The following CHPF2 variants were observed in gnomAD, a reference collection of about 807,000 sequenced individuals.
CHPF2 encodes the protein chondroitin polymerizing factor 2, non-catalytic subunit.
CHPF2 carries 58 observed loss-of-function variants against 63.0 expected under a neutral mutation model. The ratio of observed to expected loss-of-function variants is 0.92; its 90% CI spans 0.75 to 1.15. The LOEUF is 1.15. Among genes scored for constraint, CHPF2 ranks in the 50% most tolerant of loss-of-function variants. The pLI, the probability that CHPF2 is intolerant of heterozygous loss-of-function variation, is 0.00. For synonymous variants in CHPF2, 442 were observed against 438.0 expected, an observed-to-expected ratio of 1.01 and a Z score of -0.11; for missense variants, 1,045 against 1,035.4, an observed-to-expected ratio of 1.01 and a Z score of -0.13.
chr7:151,232,742 C>T lies in CHPF2; in HGVS notation c.-1270C>T, dbSNP rs1802506298. 2.6e-6 allele frequency: 4 copies of T among 1,509,812 alleles called. No individual in the cohort carries two copies. The East Asian group carries it at 1.1e-4, about 42-fold the overall frequency. 93.5% of individuals were successfully genotyped at this position (1,509,812 alleles called of 1,614,324 possible). On this transcript the variant is annotated 5_prime_UTR_variant, in exon 1 of 4. Coordinates refer to ENST00000035307, the MANE Select transcript of CHPF2 (RefSeq NM_019015.3). Reference sequence around the variant, plus strand: ...TCCCCGAGGGCCTTGGGCGTCCCTCCTGGTCCTGCGCTCGCGGCCTCGATG... The same window carrying T: ...TCCCCGAGGGCCTTGGGCGTCCCTCTTGGTCCTGCGCTCGCGGCCTCGATG...
Position 151,238,732 on chromosome 7 carries a change from C to T in CHPF2, c.*51C>T, listed in dbSNP as rs1802790882. 3.7e-6 allele frequency: 6 copies of T among 1,601,764 alleles called. No individual in the cohort carries two copies. The highest frequency in any genetic ancestry group is 5.1e-6 in the Non-Finnish European group (6 of 1,175,564). Reference sequence around the variant, plus strand: ...ACCTTTCCTTTGTCTGCCTCAGCCCCAGGAAGGGCAAGGCAAGATGGTGGA... The same window carrying T: ...ACCTTTCCTTTGTCTGCCTCAGCCCTAGGAAGGGCAAGGCAAGATGGTGGA... On this transcript the variant is annotated 3_prime_UTR_variant, in exon 4 of 4. Coordinates refer to ENST00000035307, the MANE Select transcript of CHPF2 (RefSeq NM_019015.3).
In CHPF2 at chr7:151,232,507, T is replaced by C. The variant is rs993207258; in HGVS notation, c.-1505T>C. ...AAGAGGAAGCTGCGGACAGGGGCTG[T>C]GAGGTGGCAGCGGCTGCAGCGGCGG... On this transcript the variant is annotated 5_prime_UTR_variant, in exon 1 of 4. Transcript: ENST00000035307. 1.4e-5 allele frequency: 7 copies of C among 499,770 alleles called. No individual in the cohort carries two copies. The African/African-American group carries it at 1.4e-4, about 10-fold the overall frequency. The allele number at this position is 499,770 out of a possible 1,614,324, so 31.0% of individuals were successfully genotyped here. A position where few individuals can be genotyped will look rare whatever the true frequency, so the allele number is the denominator to read the frequency against.
At position 151,238,655 on chromosome 7, in the gene CHPF2, G is replaced by T. The variant is rs760750092; in HGVS notation, c.2293G>T (p.Glu765Ter). The stretch of plus-strand genomic sequence containing the variant: ...TGCCCAGCTGGCTATGGCTCTCTTT[G>T]AGCAGGAGCAGGCCAATAGCACTTA... Reference protein sequence around the residue: ...GRAQLAMALFEQEQANST With the variant: ...GRAQLAMALF The change falls in exon 4 of 4, where the codon GAG (glutamate) becomes TAG (stop). Residue 765 changes from glutamate (E) to a stop codon, truncating the protein, a stop_gained. Transcript: ENST00000035307. LOFTEE classifies it high-confidence loss of function. The T allele has an allele frequency of 3.1e-6, 5 of 1,609,976 alleles. No homozygotes were observed. Among genetic ancestry groups the T allele is most frequent in the Non-Finnish European group, 4.2e-6 (5 of 1,178,054 alleles).
Position 151,238,551 on chromosome 7 carries a change from T to G in CHPF2, c.2189T>G (p.Leu730Arg). 6.2e-7 allele frequency: 1 copy of G among 1,612,268 alleles called. No individual in the cohort carries two copies. Among genetic ancestry groups the G allele is most frequent in the East Asian group, 2.2e-5 (1 of 44,804 alleles). ...CCAGGGCTGGTGCAGAAGTTCTCCC[T>G]GCGAGACTGCAGCCCACGGCTCAGT... ...VEPGLVQKFSLRDCSPRLSEE... is the reference protein window; with the variant it reads ...VEPGLVQKFSRRDCSPRLSEE... The change falls in exon 4 of 4, where the codon CTG becomes CGG. Residue 730 changes from leucine (L) to arginine (R), a missense_variant. Coordinates refer to ENST00000035307, the MANE Select transcript of CHPF2 (RefSeq NM_019015.3).
Position 151,237,940 on chromosome 7 carries a change from G to T in CHPF2, c.1578G>T (p.Leu526Phe). The T allele has an allele frequency of 1.9e-6, 3 of 1,613,110 alleles. No individual in the cohort carries two copies. The South Asian group carries it at 3.3e-5, about 18-fold the overall frequency. ...EPREHALLTL[L>F]LVYGPREGGR... is the part of the protein sequence containing the mutation. ...GAGAACATGCATTGCTCACCCTGTTGCTGGTCTACGGGCCACGAGAAGGTG... is the reference window on the plus strand; with the variant it reads ...GAGAACATGCATTGCTCACCCTGTTTCTGGTCTACGGGCCACGAGAAGGTG... The change falls in exon 4 of 4, where the codon TTG becomes TTT. Residue 526 changes from leucine to phenylalanine, a missense_variant. Leu to Phe is a conservative substitution (Grantham distance 22). Coordinates refer to ENST00000035307, the MANE Select transcript of CHPF2 (RefSeq NM_019015.3).
chr7:151,235,283 C>T lies in CHPF2; in HGVS notation c.499C>T (p.Leu167Phe). The change falls in exon 2 of 4, where the codon CTT (leucine) becomes TTT (phenylalanine). Residue 167 changes from leucine to phenylalanine, a missense_variant. Transcript: ENST00000035307. The stretch of plus-strand genomic sequence containing the variant: ...GCTCATGTCAGAGACCCTGCGCCAC[C>T]TTCACACACACTTTGGGGCCGACTA... The part of the protein sequence containing the change: ...AWLMSETLRH[L>F]HTHFGADYDW... 6.2e-7 allele frequency: 1 copy of T among 1,613,948 alleles called. No individual in the cohort carries two copies. The highest frequency in any genetic ancestry group is 8.5e-7 in the Non-Finnish European group (1 of 1,180,006).
chr7:151,232,653 C>T lies in CHPF2; in HGVS notation c.-1359C>T, dbSNP rs551125196. On this transcript the variant is annotated 5_prime_UTR_variant, in exon 1 of 4. Coordinates refer to ENST00000035307, the MANE Select transcript of CHPF2 (RefSeq NM_019015.3). ...TCCGCCCCGCCCCCTCCCGGGACGCCGGGAGACCCCGGCCGTCCTTTATCC... is the reference window on the plus strand; with the variant it reads ...TCCGCCCCGCCCCCTCCCGGGACGCTGGGAGACCCCGGCCGTCCTTTATCC... 2 of 1,143,892 alleles carry T rather than the reference C, an allele frequency of 1.7e-6. No homozygotes were observed. Among genetic ancestry groups the T allele is most frequent in the Admixed American group, 2.9e-5 (1 of 34,856 alleles). 70.9% of individuals were successfully genotyped at this position (1,143,892 alleles called of 1,614,324 possible).
rs561547709 is a variant in CHPF2 at position 151,235,744 on chromosome 7, G to A, written c.828+132G>A. The A allele has an allele frequency of 2.3e-4, 202 of 866,220 alleles. 1 individual carries two copies. In the Middle Eastern group the frequency reaches 3.2e-3, roughly 14 times the overall value. 53.7% of individuals were successfully genotyped at this position (866,220 alleles called of 1,614,324 possible). ...CCACTGGCCGCTCTGTGGGCCCTCCGTTGCTCACCTTTGGCAATCTGAGAA... is the reference window on the plus strand; with the variant it reads ...CCACTGGCCGCTCTGTGGGCCCTCCATTGCTCACCTTTGGCAATCTGAGAA... On this transcript the variant is annotated intron_variant, in intron 2 of 3. Coordinates refer to ENST00000035307, the MANE Select transcript of CHPF2 (RefSeq NM_019015.3).
At chr7:151,234,970 G>A in intron 1 of CHPF2, 78 bp from the exon 2 acceptor site, 1 of 1,171,416 alleles carries the variant, frequency 8.5e-7, no homozygotes, top group Non-Finnish European at 1.2e-6. Flanking sequence ...CTCACTCCTA[G>A]AGGGGGATGT....
In CHPF2 at chr7:151,233,313, T is replaced by A; in HGVS notation, c.-699T>A. 1 of 987,014 alleles carries A rather than the reference T, an allele frequency of 1.0e-6. No homozygotes were observed. The highest frequency in any genetic ancestry group is 1.2e-6 in the Non-Finnish European group (1 of 830,968). The allele number at this position is 987,014 out of a possible 1,614,324, so 61.1% of individuals were successfully genotyped here. ...GAGTCACCGATCTACCTCATTCGGG[T>A]GGGCAGAACTTATGTGTGCCATGCG... On this transcript the variant is annotated 5_prime_UTR_variant, in exon 1 of 4. Coordinates refer to ENST00000035307, the MANE Select transcript of CHPF2 (RefSeq NM_019015.3).
Position 151,238,367 on chromosome 7 carries a change from T to C in CHPF2, c.2005T>C (p.Ser669Pro). 6.2e-7 allele frequency: 1 copy of C among 1,608,314 alleles called. No homozygotes were observed. Among genetic ancestry groups the C allele is most frequent in the Non-Finnish European group, 8.5e-7 (1 of 1,177,162 alleles). ...AGGGGGGAGATTTGACCGGCAGGCT[T>C]CTGCGGAGGGCTGCTTCTACAACGC... ...PIGGRFDRQA[S>P]AEGCFYNADY... Residue 669 changes from serine (S) to proline (P), a missense_variant, in exon 4 of 4, where the codon TCT becomes CCT. By Grantham distance (74) the Ser-to-Pro change is moderately conservative. Transcript: ENST00000035307.
chr7:151,234,946 C>T (rs1802586525), intron 1 of CHPF2, 102 bp from the exon 2 acceptor site: 1 of 888,716 alleles, frequency 1.1e-6, no homozygotes, highest in Non-Finnish European at 1.7e-6. Flanking sequence ...AAGTTTCTCC[C>T]TTCTCAGCCC....
Position 151,233,716 on chromosome 7 carries a change from A to C in CHPF2, c.-296A>C, listed in dbSNP as rs558726210. The C allele has an allele frequency of 1.1e-5, 12 of 1,139,576 alleles. No individual in the cohort carries two copies. Among genetic ancestry groups the C allele is most frequent in the South Asian group, 8.5e-5 (2 of 23,590 alleles). The allele number at this position is 1,139,576 out of a possible 1,614,324, so 70.6% of individuals were successfully genotyped here. A position where few individuals can be genotyped will look rare whatever the true frequency, so the allele number is the denominator to read the frequency against. On this transcript the variant is annotated 5_prime_UTR_variant, in exon 1 of 4. Coordinates refer to ENST00000035307, the MANE Select transcript of CHPF2 (RefSeq NM_019015.3). ...TTTTACTTCCTCCTCTTTTTAGTGG[A>C]AGACAGACCATAATCCCAGTGTGAG...
In CHPF2 at chr7:151,232,883, G is replaced by A; in HGVS notation, c.-1129G>A. The A allele has an allele frequency of 2.9e-6, 4 of 1,394,524 alleles. No individual in the cohort carries two copies. The highest frequency in any genetic ancestry group is 2.8e-6 in the Non-Finnish European group (3 of 1,079,380). 86.4% of individuals were successfully genotyped at this position (1,394,524 alleles called of 1,614,324 possible). A position where few individuals can be genotyped will look rare whatever the true frequency, so the allele number is the denominator to read the frequency against. ...GCAGAACGACCCGAGCTGGTCTCCCGAGCCCCCTTCTCAGCAGCCCGGTGA... is the reference window on the plus strand; with the variant it reads ...GCAGAACGACCCGAGCTGGTCTCCCAAGCCCCCTTCTCAGCAGCCCGGTGA... On this transcript the variant is annotated 5_prime_UTR_variant, in exon 1 of 4. Transcript: ENST00000035307.
In CHPF2 at chr7:151,235,446, G is replaced by A. The variant is rs148527739; in HGVS notation, c.662G>A (p.Arg221Gln). The A allele has an allele frequency of 4.7e-5, 76 of 1,611,886 alleles. No individual in the cohort carries two copies. Among genetic ancestry groups the A allele is most frequent in the Non-Finnish European group, 6.0e-5 (71 of 1,180,018 alleles). ...EEFIGAGEQA[R>Q]YCHGGFGYLL... Reference sequence around the variant, plus strand: ...TTCATTGGCGCAGGCGAGCAGGCCCGGTACTGTCATGGGGGCTTTGGCTAC... The same window carrying A: ...TTCATTGGCGCAGGCGAGCAGGCCCAGTACTGTCATGGGGGCTTTGGCTAC... The change falls in exon 2 of 4, where the codon CGG becomes CAG. Residue 221 changes from arginine (R) to glutamine (Q), a missense_variant. By Grantham distance (43) the Arg-to-Gln change is conservative. Transcript: ENST00000035307.
intron 1 of CHPF2, 39 bp from the exon 2 acceptor site, chr7:151,235,009 A>G: frequency 2.7e-6 from 4 of 1,490,102 alleles, no homozygotes; most frequent in Non-Finnish European, 3.6e-6. Flanking sequence ...GTTCCTAAAG[A>G]TTAGGGAGTT....
At position 151,238,097 on chromosome 7, in the gene CHPF2, G is replaced by A. The variant is rs746852883; in HGVS notation, c.1735G>A (p.Val579Met). Residue 579 changes from valine (V) to methionine (M), a missense_variant, in exon 4 of 4, where the codon GTG becomes ATG. Val to Met is a conservative substitution (Grantham distance 21). Transcript: ENST00000035307. ...CCCTTCCCAGGTGCGACTCATGGACGTGGTCTCGAAGAAGCACCCTGTGGA... is the reference window on the plus strand; with the variant it reads ...CCCTTCCCAGGTGCGACTCATGGACATGGTCTCGAAGAAGCACCCTGTGGA... Reference protein sequence around the residue: ...EAPSQVRLMDVVSKKHPVDTL... With the variant: ...EAPSQVRLMDMVSKKHPVDTL... 19 of 1,612,262 alleles carry A rather than the reference G, an allele frequency of 1.2e-5. No individual in the cohort carries two copies. The East Asian group carries it at 1.3e-4, about 11-fold the overall frequency.
Position 151,233,076 on chromosome 7 carries a change from C to G in CHPF2, c.-936C>G. On this transcript the variant is annotated 5_prime_UTR_variant, in exon 1 of 4. Transcript: ENST00000035307. ...GCGCTTCTGTTTGCGTTCCCAGGAC[C>G]CTGGCATTGTCTCTAGTTGCTGCTT... 2 of 1,238,016 alleles carry G rather than the reference C, an allele frequency of 1.6e-6. No homozygotes were observed. The highest frequency in any genetic ancestry group is 3.1e-4 in the Middle Eastern group (1 of 3,274). The allele number at this position is 1,238,016 out of a possible 1,614,324, so 76.7% of individuals were successfully genotyped here. A position where few individuals can be genotyped will look rare whatever the true frequency, so the allele number is the denominator to read the frequency against.
intron 2 of CHPF2, 150 bp from the exon 3 acceptor site, chr7:151,236,258 G>A (rs1343650325): frequency 3.4e-6 from 2 of 595,448 alleles, no homozygotes; most frequent in African/African-American, 3.8e-5. Context: ...TGAAAGAACT[G>A]GGGTTAAGCG....
Sources: gnomAD v4.1 joint callset for allele counts on GRCh38, gnomAD v4.1.1 for gene constraint, MANE v1.5 for transcripts, NCBI Gene and HGNC (gene_info 2026-07-23, HGNC 2026-07-21) for gene names.